Variants in LAMC1 observed in about 807,000 individuals in gnomAD.
The protein encoded by LAMC1 is laminin subunit gamma 1.
A neutral mutation model predicts 173.6 loss-of-function variants in LAMC1; 38 were observed. The observed-to-expected ratio is 0.22, with a 90% confidence interval of 0.17 to 0.29. The LOEUF (loss-of-function observed/expected upper bound fraction) is 0.29. Ranked by LOEUF, LAMC1 falls within the 10% of genes least tolerant of loss-of-function variation. LAMC1 has a pLI of 1.00. For synonymous variants in LAMC1, 746 were observed against 749.1 expected (o/e 1.00, Z 0.07); for missense variants, 1,824 against 2,051.8 (o/e 0.89, Z 2.14).
At position 183,050,674 on chromosome 1, in the gene LAMC1, A is replaced by G. The variant is rs539556471; in HGVS notation, c.418+26540A>G. Among the ~76,000 whole-genome samples, 3 of 148,558 alleles carry G rather than the reference A, an allele frequency of 2.0e-5. No homozygotes were observed. The East Asian group carries it at 6.1e-4, about 30-fold the overall frequency. On this transcript the variant is annotated intron_variant, in intron 1 of 27. Transcript: ENST00000258341. ...TGGGAGGCTGAGGCTGGTGGATCAC[A>G]TGAGGTCAGGAGTTCGAGACCAGCC... is the stretch of plus-strand genomic sequence containing the variant.
intron 2 of LAMC1, among the ~76,000 whole-genome samples, chr1:183,104,181 A>G (rs1206960838): frequency 6.6e-6 from 1 of 152,186 alleles, no homozygotes; most frequent in Admixed American, 6.5e-5. Context: ...ATCACCTAAA[A>G]TGGATGATGT....
intron 1 of LAMC1, among the ~76,000 whole-genome samples, chr1:183,089,559 C>G (rs937005344): frequency 1.2e-4 from 19 of 152,314 alleles, no homozygotes; most frequent in Middle Eastern, 3.4e-3. Flanking sequence ...AAACTCTTTA[C>G]TACTTTCCAA....
chr1:183,110,664 C>T lies in LAMC1; in HGVS notation c.1021+10C>T. 1 of 1,612,290 alleles carries T rather than the reference C, an allele frequency of 6.2e-7. No homozygotes were observed. The highest frequency in any genetic ancestry group is 1.7e-4 in the Middle Eastern group (1 of 5,750). On this transcript the variant is annotated intron_variant, in intron 4 of 27. Coordinates refer to ENST00000258341, the MANE Select transcript of LAMC1 (RefSeq NM_002293.4). ...GCCAGTGAATGCCTGCGTGAGTGCC[C>T]CATGACGTCAGTCTGTCAGTTGTCT...
chr1:183,079,311 G>A (rs944766480), intron 1 of LAMC1, among the ~76,000 whole-genome samples: 1 of 123,828 alleles, frequency 8.1e-6, no homozygotes, highest in Non-Finnish European at 1.6e-5. Context: ...CTGGAGTGCA[G>A]TGGTGTGATC....
intron 1 of LAMC1, among the ~76,000 whole-genome samples, chr1:183,045,080 T>C (rs1654232749): frequency 6.6e-6 from 1 of 151,890 alleles, no homozygotes; most frequent in South Asian, 2.1e-4. Flanking sequence ...AGGCTAATAA[T>C]TACCAAGTGC....
At chr1:183,113,154 T>A (rs1001975007) in intron 4 of LAMC1, among the ~76,000 whole-genome samples, 6 of 151,964 alleles carry the variant, frequency 3.9e-5, no homozygotes, top group East Asian at 1.9e-4. Context: ...CTGCAAAAAA[T>A]TTTTTAAAAA....
chr1:183,140,302 G>A (rs2102116569), intron 26 of LAMC1, 102 bp from the exon 27 acceptor site: 2 of 406,362 alleles, frequency 4.9e-6, no homozygotes, highest in South Asian at 4.2e-5. Context: ...TTAGAAAAGG[G>A]AAGAAAATCT....
chr1:183,062,098 A>AT (rs1162345887), intron 1 of LAMC1, among the ~76,000 whole-genome samples: 4 of 152,254 alleles, frequency 2.6e-5, no homozygotes, highest in African/African-American at 9.6e-5. Context: ...GTGTTCAGTT[A>AT]TATACGTTTA....
intron 1 of LAMC1, among the ~76,000 whole-genome samples, chr1:183,058,486 A>G (rs1654656555): frequency 6.6e-6 from 1 of 152,218 alleles, no homozygotes; most frequent in Non-Finnish European, 1.5e-5. Flanking sequence ...TCTCCAGCAA[A>G]TACTCACTGA....
chr1:183,078,567 G>A (rs973829904), intron 1 of LAMC1, among the ~76,000 whole-genome samples: 7 of 138,966 alleles, frequency 5.0e-5, no homozygotes, highest in Non-Finnish European at 1.1e-4. Context: ...GGGTGACAGA[G>A]TGAGACTCCG....
intron 20 of LAMC1, among the ~76,000 whole-genome samples, chr1:183,131,659 G>C (rs1001413729): frequency 1.3e-5 from 2 of 152,004 alleles, no homozygotes; most frequent in African/African-American, 4.8e-5. Flanking sequence ...AATATTTTTA[G>C]ATTTTTAACT....
intron 1 of LAMC1, among the ~76,000 whole-genome samples, chr1:183,055,095 T>C (rs1232138067): frequency 6.6e-6 from 1 of 151,776 alleles, no homozygotes; most frequent in African/African-American, 2.4e-5. Context: ...TTCAAGCGAT[T>C]CTCCTGCCTC....
rs1434467234 is a variant in LAMC1, at chr1:183,125,461, G to C, written c.2712G>C (p.Gln904His). The change falls in exon 15 of 28, where the codon CAG (glutamine) becomes CAC (histidine). Residue 904 changes from glutamine to histidine, a missense_variant. Coordinates refer to ENST00000258341, the MANE Select transcript of LAMC1 (RefSeq NM_002293.4). Reference sequence around the variant, plus strand: ...GCAGCTGTAACCCCGTGACGGGGCAGTGTGAATGTTTGCCTCACGTGACTG... The same window carrying C: ...GCAGCTGTAACCCCGTGACGGGGCACTGTGAATGTTTGCCTCACGTGACTG... Reference protein sequence around the residue: ...QQSSCNPVTGQCECLPHVTGQ... With the variant: ...QQSSCNPVTGHCECLPHVTGQ... The C allele has an allele frequency of 1.2e-5, 20 of 1,613,928 alleles. No individual in the cohort carries two copies. Among genetic ancestry groups the C allele is most frequent in the Non-Finnish European group, 1.5e-5 (18 of 1,179,866 alleles).
At chr1:183,077,066 A>T (rs897129693) in intron 1 of LAMC1, among the ~76,000 whole-genome samples, 2 of 152,192 alleles carry the variant, frequency 1.3e-5, no homozygotes, top group African/African-American at 4.8e-5. Context: ...TAATTAAGAG[A>T]TACTTTGGAG....
chr1:183,081,892 C>T (rs1655286185), intron 1 of LAMC1, among the ~76,000 whole-genome samples: 1 of 152,182 alleles, frequency 6.6e-6, no homozygotes, highest in South Asian at 2.1e-4. Flanking sequence ...CAATCCTCTG[C>T]TTTGTCTTTC....
intron 1 of LAMC1, among the ~76,000 whole-genome samples, chr1:183,029,134 G>A (rs1434418232): frequency 1.3e-5 from 2 of 152,188 alleles, no homozygotes; most frequent in South Asian, 2.1e-4. Flanking sequence ...ATCCACTGCT[G>A]TGTGGTCGGT....
rs564241480 is a variant in LAMC1, at chr1:183,080,071, C to A, written c.419-23257C>A. Among the ~76,000 whole-genome samples, 5 of 152,020 alleles carry A rather than the reference C, an allele frequency of 3.3e-5. No individual in the cohort carries two copies. In the South Asian group the frequency reaches 1.0e-3, roughly 32 times the overall value. ...CTAGGCTGGCAACATGGTGAAACCC[C>A]ATCTCTACTAAAAATACAAAAAATT... On this transcript the variant is annotated intron_variant, in intron 1 of 27. Coordinates refer to ENST00000258341, the MANE Select transcript of LAMC1 (RefSeq NM_002293.4).
chr1:183,024,493 T>C (rs1269554627), intron 1 of LAMC1, among the ~76,000 whole-genome samples: 1 of 152,170 alleles, frequency 6.6e-6, no homozygotes, highest in African/African-American at 2.4e-5. Flanking sequence ...GCTAGCAAGG[T>C]CATCACAGCG....
Position 183,103,471 on chromosome 1 carries a change from A to G in LAMC1, c.562A>G (p.Lys188Glu), listed in dbSNP as rs1655887174. 10 of 1,614,032 alleles carry G rather than the reference A, an allele frequency of 6.2e-6. No individual in the cohort carries two copies. Among genetic ancestry groups the G allele is most frequent in the Non-Finnish European group, 8.5e-6 (10 of 1,180,026 alleles). ...TGGTTCCTGTGAGAACACCTACTCC[A>G]AGGCAAACCGCGGCTTCATCAGGAC... The part of the protein sequence containing the change: ...YSGSCENTYS[K>E]ANRGFIRTGG... The change falls in exon 2 of 28, where the codon AAG (lysine) becomes GAG (glutamate). Residue 188 changes from lysine (K) to glutamate (E), a missense_variant. Physicochemically the swap from Lys to Glu is moderately conservative, Grantham distance 56. Coordinates refer to ENST00000258341, the MANE Select transcript of LAMC1 (RefSeq NM_002293.4).
Sources: allele counts gnomAD v4.1 joint callset (sites outside exome capture counted in the v4.1 genomes callset), GRCh38; gene constraint gnomAD v4.1.1; transcripts MANE v1.5; gene names NCBI Gene and HGNC (gene_info 2026-07-23, HGNC 2026-07-21).